The following ZNF670 variants were observed in gnomAD, a reference collection of about 807,000 sequenced individuals.
ZNF670 encodes the protein zinc finger protein 670.
In ZNF670, 7 loss-of-function variants were observed where a neutral mutation model predicts 10.9. That is an observed-to-expected ratio of 0.64 (90% CI 0.36 to 1.20). The LOEUF is 1.20. Among genes scored for constraint, ZNF670 ranks in the 50% most tolerant of loss-of-function variants. The pLI, the probability that ZNF670 is intolerant of heterozygous loss-of-function variation, is 0.02. For missense variants in ZNF670, 446 were observed against 458.6 expected (o/e 0.97, Z 0.25); for synonymous variants, 136 against 152.7 (o/e 0.89, Z 0.81).
chr1:247,050,390 C>T (rs1433589119), intron 1 of ZNF670, among the ~76,000 whole-genome samples: 1 of 152,078 alleles, frequency 6.6e-6, no homozygotes, highest in Non-Finnish European at 1.5e-5. Flanking sequence ...TATCTTTTTC[C>T]ACCTCTTTAC....
rs567138314 is a variant in ZNF670 at position 247,037,438 on chromosome 1, G to A, written c.*11C>T. ...CTTACATTGACAGAGGTGTTTTGTT[G>A]TTGTTGTTTTTTACCACATATAAGC... On this transcript the variant is annotated 3_prime_UTR_variant, in exon 4 of 4. Coordinates refer to ENST00000366503, the MANE Select transcript of ZNF670 (RefSeq NM_033213.5). 135 of 1,580,204 alleles carry A rather than the reference G, an allele frequency of 8.5e-5. No homozygotes were observed. The highest frequency in any genetic ancestry group is 1.1e-4 in the Non-Finnish European group (127 of 1,165,844).
rs560942568 is a variant in ZNF670, at chr1:247,034,947, T to C, written c.*2502A>G. 1.3e-5 allele frequency among the ~76,000 whole-genome samples: 2 copies of C among 152,298 alleles called. No homozygotes were observed. The highest frequency in any genetic ancestry group is 3.9e-4 in the East Asian group (2 of 5,184). ...GCCAAACACAGGTCAAGGTGGAACA[T>C]ACATCCTCCTGGGGAACGGCTGGTC... On this transcript the variant is annotated 3_prime_UTR_variant, in exon 4 of 4. Transcript: ENST00000366503.
chr1:247,071,705 G>A (rs1671118889), intron 1 of ZNF670, among the ~76,000 whole-genome samples: 1 of 152,182 alleles, frequency 6.6e-6, no homozygotes, highest in Admixed American at 6.5e-5. Flanking sequence ...AAAGTAATAT[G>A]AAACCTTTTA....
At position 247,037,741 on chromosome 1, in the gene ZNF670, G is replaced by A; in HGVS notation, c.878C>T (p.Ser293Phe). 6.2e-7 allele frequency: 1 copy of A among 1,613,922 alleles called. No individual in the cohort carries two copies. The highest frequency in any genetic ancestry group is 8.5e-7 in the Non-Finnish European group (1 of 1,179,922). ...CCTTTCATGGACTCTGAGGACTCTG[G>A]AACATCTAAAGGCTTTGCCACATTT... is the stretch of plus-strand genomic sequence containing the variant. ...CIKCGKAFRC[S>F]RVLRVHERTH... Residue 293 changes from serine to phenylalanine, a missense_variant, in exon 4 of 4, where the codon TCC becomes TTC. Physicochemically the swap from Ser to Phe is radical, Grantham distance 155. Transcript: ENST00000366503.
intron 1 of ZNF670, chr1:247,043,219 C>T (rs901254624): frequency 7.1e-6 from 5 of 701,860 alleles, no homozygotes; most frequent in African/African-American, 5.2e-5. Context: ...ATCACTAACA[C>T]AGCACTGAAG....
At chr1:247,040,385 T>G (rs1484474019) in intron 1 of ZNF670, among the ~76,000 whole-genome samples, 1 of 152,222 alleles carries the variant, frequency 6.6e-6, no homozygotes, top group East Asian at 1.9e-4. Context: ...AGTGGAAAGA[T>G]AGTACGTGTG....
At position 247,073,870 on chromosome 1, in the gene ZNF670, C is replaced by T. The variant is rs925406280; in HGVS notation, c.3+4724G>A. On this transcript the variant is annotated intron_variant, in intron 1 of 3. Coordinates refer to ENST00000366503, the MANE Select transcript of ZNF670 (RefSeq NM_033213.5). Reference sequence around the variant, plus strand: ...ATCACCCCTTCCTCAGGTTTGATAACGTGAAAAACAACTATGCCCAGAACT... The same window carrying T: ...ATCACCCCTTCCTCAGGTTTGATAATGTGAAAAACAACTATGCCCAGAACT... 3.9e-5 allele frequency among the ~76,000 whole-genome samples: 6 copies of T among 152,166 alleles called. No homozygotes were observed. In the South Asian group the frequency reaches 1.0e-3, roughly 26 times the overall value.
Position 247,038,381 on chromosome 1 carries a change from A to G in ZNF670, c.238T>C (p.Tyr80His), listed in dbSNP as rs1670218521. 1.2e-6 allele frequency: 2 copies of G among 1,613,612 alleles called. No homozygotes were observed. The change falls in exon 4 of 4, where the codon TAT (tyrosine) becomes CAT (histidine). Residue 80 changes from tyrosine to histidine, a missense_variant. By Grantham distance (83) the Tyr-to-His change is moderately conservative. Transcript: ENST00000366503. ...RLFEIKEGSQYGETFSQDSNL... is the reference protein window; with the variant it reads ...RLFEIKEGSQHGETFSQDSNL... ...GAATCCTGGCTGAAGGTTTCTCCAT[A>G]TTGACTGCCTTCTTTAATTTCAAAC...
At chr1:247,069,943 A>G (rs1671077258) in intron 1 of ZNF670, among the ~76,000 whole-genome samples, 1 of 152,176 alleles carries the variant, frequency 6.6e-6, no homozygotes, top group Non-Finnish European at 1.5e-5. Context: ...GCACAACAGG[A>G]TGATTATAGT....
chr1:247,039,296 G>A (rs1285359834), intron 2 of ZNF670, 115 bp downstream of exon 2: 3 of 1,203,924 alleles, frequency 2.5e-6, no homozygotes, highest in Admixed American at 2.6e-5. Flanking sequence ...CCTGACCTCA[G>A]GCGATTCACC....
chr1:247,043,152 T>C, intron 1 of ZNF670: 2 of 860,950 alleles, frequency 2.3e-6, no homozygotes, highest in East Asian at 2.9e-5. Context: ...GAGGAGATGC[T>C]GTAGTTCTGC....
intron 1 of ZNF670, among the ~76,000 whole-genome samples, chr1:247,074,471 C>T (rs914023076): frequency 7.9e-5 from 12 of 152,012 alleles, no homozygotes; most frequent in African/African-American, 2.9e-4. Context: ...AACATGCTTG[C>T]CACTGTTATA....
chr1:247,063,850 G>T (rs1240181311), intron 1 of ZNF670, among the ~76,000 whole-genome samples: 1 of 152,164 alleles, frequency 6.6e-6, no homozygotes, highest in Non-Finnish European at 1.5e-5. Flanking sequence ...GGAGACATGG[G>T]GCTGTGGGCA....
intron 1 of ZNF670, among the ~76,000 whole-genome samples, chr1:247,050,360 T>G (rs1054618062): frequency 2.6e-5 from 4 of 152,238 alleles, no homozygotes; most frequent in Non-Finnish European, 5.9e-5. Context: ...TGCTCCCTTT[T>G]GTTGTCCATT....
chr1:247,039,367 C>T (rs1176848170), intron 2 of ZNF670, 44 bp downstream of exon 2: 2 of 1,590,394 alleles, frequency 1.3e-6, no homozygotes, highest in East Asian at 4.7e-5. Context: ...AGCCAAAACA[C>T]TTGCGTTGTA....
chr1:247,057,907 A>T (rs1254539268), intron 1 of ZNF670, among the ~76,000 whole-genome samples: 1 of 152,228 alleles, frequency 6.6e-6, no homozygotes, highest in Non-Finnish European at 1.5e-5. Context: ...TAGAAAAAAT[A>T]AACAAGACCT....
At position 247,038,850 on chromosome 1, in the gene ZNF670, T is replaced by G; in HGVS notation, c.151A>C (p.Asn51His). The change falls in exon 3 of 4, where the codon AAT (asparagine) becomes CAT (histidine). Residue 51 changes from asparagine (N) to histidine (H), a missense_variant. Physicochemically the swap from Asn to His is moderately conservative, Grantham distance 68 (BLOSUM62 1). Transcript: ENST00000366503. Reference sequence around the variant, plus strand: ...GGATTTTTGAAGTCATCTTGGATATTCTGGTCTTCTGATTTGTTTCCTAAA... The same window carrying G: ...GGATTTTTGAAGTCATCTTGGATATGCTGGTCTTCTGATTTGTTTCCTAAA... ...ASVGNKSEDQ[N>H]IQDDFKNPGR... 6.2e-7 allele frequency: 1 copy of G among 1,612,862 alleles called. No homozygotes were observed. Among genetic ancestry groups the G allele is most frequent in the Non-Finnish European group, 8.5e-7 (1 of 1,179,398 alleles).
chr1:247,054,203 T>G (rs976218352), intron 1 of ZNF670, among the ~76,000 whole-genome samples: 4 of 152,204 alleles, frequency 2.6e-5, no homozygotes, highest in African/African-American at 9.7e-5. Context: ...GGGGCTAAAG[T>G]GCTCTGCGGC....
intron 1 of ZNF670, among the ~76,000 whole-genome samples, chr1:247,045,137 T>A (rs1373252099): frequency 6.6e-6 from 1 of 152,154 alleles, no homozygotes; most frequent in Non-Finnish European, 1.5e-5. Context: ...ATAAGAATCC[T>A]CTAAGAGTAG....
Sources: allele counts gnomAD v4.1 joint callset (sites outside exome capture counted in the v4.1 genomes callset), GRCh38; gene constraint gnomAD v4.1.1; transcripts MANE v1.5; gene names NCBI Gene and HGNC (gene_info 2026-07-23, HGNC 2026-07-21).